Variants in ARHGAP39 observed in about 807,000 individuals in gnomAD.
ARHGAP39 encodes the protein Rho GTPase activating protein 39, also known as rho GTPase-activating protein 39.
In ARHGAP39, 44 loss-of-function variants were observed where a neutral mutation model predicts 106.9. The ratio of observed to expected loss-of-function variants is 0.41; its 90% CI spans 0.32 to 0.53. The LOEUF (loss-of-function observed/expected upper bound fraction) is 0.53, where lower values mean the gene tolerates loss of function less well. ARHGAP39 is among the 20% of genes least tolerant of loss of function. The pLI is 0.21. For missense variants in ARHGAP39, 1,496 were observed against 1,577.3 expected, an observed-to-expected ratio of 0.95 and a Z score of 0.87; for synonymous variants, 768 against 693.2, an observed-to-expected ratio of 1.11 and a Z score of -1.69.
the ARHGAP39 span, among the ~76,000 whole-genome samples, chr8:144,700,151 C>T: frequency 6.6e-6 from 1 of 152,214 alleles, no homozygotes; most frequent in Non-Finnish European, 1.5e-5. The surrounding 1 kb of genome is among the most constrained non-coding windows in gnomAD (Gnocchi z 5.6). Flanking sequence ...CGGTCCTCGA[C>T]AGCACTCATT....
chr8:144,559,354 CAAAAAAAAAAAAAAAA>C (rs59435627), intron 3 of ARHGAP39, among the ~76,000 whole-genome samples: 19 of 42,934 alleles, frequency 4.4e-4, no homozygotes, highest in African/African-American at 1.9e-3. Flanking sequence ...ACTTTGTCTC[CAAAAAAAAAAAAAAAA>C]AAAAAAAAAA....
chr8:144,595,390 A>T (rs1006882603), intron 2 of ARHGAP39, among the ~76,000 whole-genome samples: 1 of 152,144 alleles, frequency 6.6e-6, no homozygotes, highest in African/African-American at 2.4e-5. Flanking sequence ...CACAGGACAC[A>T]AAGCCGGCCC....
rs144728013 is a variant in ARHGAP39, at chr8:144,551,072, C to T, written c.597-2583G>A. ...AACCATTAGTTTTGCATATCTGTGA[C>T]TCTTTTTACCACTTAACAGATACTG... On this transcript the variant is annotated intron_variant, in intron 4 of 11. Transcript: ENST00000377307. Among the ~76,000 whole-genome samples the T allele has an allele frequency of 5.5e-3, 841 of 152,324 alleles. 5 individuals carry two copies. The highest frequency in any genetic ancestry group is 5.5e-3 in the Non-Finnish European group (371 of 68,042).
chr8:144,601,934 GGCGT>G (rs1212784983), intron 2 of ARHGAP39, among the ~76,000 whole-genome samples: 4 of 135,174 alleles, frequency 3.0e-5, no homozygotes, highest in Non-Finnish European at 6.3e-5. Context: ...TGTGCATGGA[GGCGT>G]GCGTGCGAGC....
chr8:144,602,228 T>C (rs1820023931), intron 2 of ARHGAP39, among the ~76,000 whole-genome samples: 2 of 140,002 alleles, frequency 1.4e-5, no homozygotes, highest in Admixed American at 1.4e-4. Flanking sequence ...CGTGTACCTG[T>C]GTGCATGTGC....
chr8:144,608,023 A>G (rs950018627), intron 1 of ARHGAP39, among the ~76,000 whole-genome samples: 11 of 151,940 alleles, frequency 7.2e-5, no homozygotes, highest in Admixed American at 2.0e-4. Context: ...CAGGCGTGGC[A>G]GCATGTGCCC....
At chr8:144,587,427 T>C (rs1819220546) in intron 2 of ARHGAP39, among the ~76,000 whole-genome samples, 1 of 152,138 alleles carries the variant, frequency 6.6e-6, no homozygotes. Flanking sequence ...ATGTAGAGGG[T>C]GTATAAAGAA....
At chr8:144,598,414 G>A (rs1242789183) in intron 2 of ARHGAP39, among the ~76,000 whole-genome samples, 4 of 152,230 alleles carry the variant, frequency 2.6e-5, no homozygotes, top group Non-Finnish European at 5.9e-5. Context: ...CTGGGAAGGA[G>A]CAGAAGAGAC....
At chr8:144,531,023 C>T (rs1300909558) in intron 10 of ARHGAP39, 152 bp from the exon 11 acceptor site, 3 of 1,071,352 alleles carry the variant, frequency 2.8e-6, no homozygotes, top group Non-Finnish European at 3.9e-6. Context: ...CCAGGCTGGG[C>T]CCTGACCCCA....
intron 2 of ARHGAP39, among the ~76,000 whole-genome samples, chr8:144,600,299 C>T (rs547655932): frequency 8.3e-5 from 12 of 143,808 alleles, no homozygotes; most frequent in East Asian, 2.1e-4. Flanking sequence ...CCTGCGTGTG[C>T]GTGTGCATGG....
At chr8:144,533,734 T>C (rs969524767) in intron 8 of ARHGAP39, among the ~76,000 whole-genome samples, 2 of 151,830 alleles carry the variant, frequency 1.3e-5, no homozygotes, top group Non-Finnish European at 2.9e-5. Flanking sequence ...TGAGCTGGGG[T>C]GAAACTTCCA....
At chr8:144,675,734 C>T (rs528853945) in intron 1 of ARHGAP39, among the ~76,000 whole-genome samples, 10 of 150,676 alleles carry the variant, frequency 6.6e-5, no homozygotes, top group Non-Finnish European at 1.2e-4. Flanking sequence ...AAAGACGGTG[C>T]GTCTGGAGTT....
intron 1 of ARHGAP39, among the ~76,000 whole-genome samples, chr8:144,665,990 AGGAG>A (rs1821953912): frequency 6.6e-6 from 1 of 152,230 alleles, no homozygotes; most frequent in African/African-American, 2.4e-5. Context: ...GAAAGCAGCC[AGGAG>A]GGAGGCTATA....
rs576374551 is a variant in ARHGAP39, at chr8:144,567,411, G to A, written c.513-11768C>T. Among the ~76,000 whole-genome samples, 35 of 152,320 alleles carry A rather than the reference G, an allele frequency of 2.3e-4. 1 individual carries two copies. The highest frequency in any genetic ancestry group is 5.3e-4 in the African/African-American group (22 of 41,580). On this transcript the variant is annotated intron_variant, in intron 3 of 11. Coordinates refer to ENST00000377307, the MANE Select transcript of ARHGAP39 (RefSeq NM_025251.3). ...AACGCCAGCGTCTGGGAAGACACCCGTTGCCAAGCGGACCGTGGTCTAGCA... is the reference window on the plus strand; with the variant it reads ...AACGCCAGCGTCTGGGAAGACACCCATTGCCAAGCGGACCGTGGTCTAGCA...
intron 3 of ARHGAP39, among the ~76,000 whole-genome samples, chr8:144,570,536 A>G (rs1186934934): frequency 6.6e-6 from 1 of 152,230 alleles, no homozygotes; most frequent in Non-Finnish European, 1.5e-5. Flanking sequence ...CGACAATAGG[A>G]AAAGTCTAGC....
rs1275672575 is a variant in ARHGAP39 at position 144,671,710 on chromosome 8, G to C, written c.-82+13976C>G. Among the ~76,000 whole-genome samples the C allele has an allele frequency of 6.6e-6, 1 of 152,132 alleles. No homozygotes were observed. The highest frequency in any genetic ancestry group is 2.4e-5 in the African/African-American group (1 of 41,426). The stretch of plus-strand genomic sequence containing the variant: ...CTGAACTCCACGCCCCTCCCGGCCA[G>C]CCACCCTAGGGTTCTCCCTACGACC... On this transcript the variant is annotated intron_variant, in intron 1 of 11. Coordinates refer to ENST00000377307, the MANE Select transcript of ARHGAP39 (RefSeq NM_025251.3). This position sits in a 1 kb window ranked among gnomAD's most constrained non-coding sequence, Gnocchi z 4.5.
chr8:144,621,068 T>C (rs1208274969), intron 1 of ARHGAP39, among the ~76,000 whole-genome samples: 1 of 152,248 alleles, frequency 6.6e-6, no homozygotes. Flanking sequence ...TTGGCAGCTG[T>C]GCTGGTGCTG....
rs115424928 is a variant in ARHGAP39, at chr8:144,647,634, C to T, written c.-82+38052G>A. 3.7e-3 allele frequency among the ~76,000 whole-genome samples: 560 copies of T among 152,312 alleles called. 3 individuals are homozygous for T. The highest frequency in any genetic ancestry group is 0.013 in the African/African-American group (538 of 41,554). Reference sequence around the variant, plus strand: ...GACTTTACACCAGATCAGGTCAGGACCTTTGGTGGGTGAGGGAAGGAATGA... The same window carrying T: ...GACTTTACACCAGATCAGGTCAGGATCTTTGGTGGGTGAGGGAAGGAATGA... On this transcript the variant is annotated intron_variant, in intron 1 of 11. Transcript: ENST00000377307. This position sits in a 1 kb window ranked among gnomAD's most constrained non-coding sequence, Gnocchi z 4.8.
chr8:144,537,164 G>C (rs1816989461), intron 7 of ARHGAP39, among the ~76,000 whole-genome samples: 1 of 152,080 alleles, frequency 6.6e-6, no homozygotes, highest in Admixed American at 6.5e-5. Context: ...AGAGGTGGAA[G>C]CTGTGTGAGA....
Sources: gnomAD v4.1 joint callset for allele counts (sites outside exome capture counted in the v4.1 genomes callset) on GRCh38, gnomAD v4.1.1 for gene constraint, Gnocchi (gnomAD v3.1) non-coding constraint, MANE v1.5 for transcripts, NCBI Gene and HGNC (gene_info 2026-07-23, HGNC 2026-07-21) for gene names.